LINGO2: variants seen among roughly 807,000 people sequenced by gnomAD.
LINGO2 encodes leucine rich repeat and Ig domain containing 2.
In LINGO2, 14 loss-of-function variants were observed where a neutral mutation model predicts 30.6. That is an observed-to-expected ratio of 0.46 (90% CI 0.30 to 0.72). The LOEUF (loss-of-function observed/expected upper bound fraction) is 0.72, where lower values mean the gene tolerates loss of function less well. Among genes scored for constraint, LINGO2 ranks in the 30% least tolerant of loss-of-function variants. The pLI, the probability that LINGO2 is intolerant of heterozygous loss-of-function variation, is 0.07. For missense variants in LINGO2, 729 were observed against 751.7 expected (o/e 0.97, Z 0.35); for synonymous variants, 317 against 288.5 (o/e 1.10, Z -1.00).
At chr9:28,031,082 G>A in intron 4 of LINGO2, among the ~76,000 whole-genome samples, 1 of 152,018 alleles carries the variant, frequency 6.6e-6, no homozygotes, top group East Asian at 1.9e-4. Context: ...GTCGATTAAT[G>A]AGGCTTTATA....
chr9:28,279,147 G>A (rs1307136688), intron 4 of LINGO2, among the ~76,000 whole-genome samples: 1 of 152,194 alleles, frequency 6.6e-6, no homozygotes, highest in African/African-American at 2.4e-5. Context: ...CTGAATGGAT[G>A]AGAAGTTGCT....
chr9:28,282,470 T>G (rs571528807), intron 4 of LINGO2, among the ~76,000 whole-genome samples: 1 of 152,116 alleles, frequency 6.6e-6, no homozygotes, highest in African/African-American at 2.4e-5. Context: ...GGTTTAAGAA[T>G]TCTATTTGAT....
intron 3 of LINGO2, among the ~76,000 whole-genome samples, chr9:28,346,241 C>G (rs79517477): frequency 0.012 from 1,751 of 152,258 alleles, 37 homozygotes; most frequent in African/African-American, 0.04. Context: ...TCTGTTGTTC[C>G]TCTCCCAGTA....
the LINGO2 span, among the ~76,000 whole-genome samples, chr9:29,092,262 T>G: frequency 6.6e-6 from 1 of 152,014 alleles, no homozygotes; most frequent in Non-Finnish European, 1.5e-5. Flanking sequence ...CAGATCAAAG[T>G]GTGCTGGGCT....
At chr9:28,771,465 G>A in the LINGO2 span, among the ~76,000 whole-genome samples, 192 of 70,110 alleles carry the variant, frequency 2.7e-3, 1 homozygote, top group Admixed American at 0.019. Flanking sequence ...GTGTGTGTGT[G>A]TGTGTGTGTG....
chr9:27,976,824 T>A (rs1820617736), intron 5 of LINGO2, among the ~76,000 whole-genome samples: 1 of 152,134 alleles, frequency 6.6e-6, no homozygotes, highest in Non-Finnish European at 1.5e-5. Context: ...GTTGAGTAGA[T>A]GCCAGGCTGG....
At chr9:28,028,686 T>A (rs1381831676) in intron 4 of LINGO2, among the ~76,000 whole-genome samples, 1 of 152,178 alleles carries the variant, frequency 6.6e-6, no homozygotes, top group Admixed American at 6.5e-5. Flanking sequence ...CTAGATTACT[T>A]GTAACATTAA....
intron 4 of LINGO2, among the ~76,000 whole-genome samples, chr9:28,062,439 CATAT>C (rs1825173488): frequency 7.0e-6 from 1 of 142,492 alleles, no homozygotes; most frequent in African/African-American, 2.7e-5. Context: ...ATACTATATA[CATAT>C]ATATGCATAC....
the LINGO2 span, among the ~76,000 whole-genome samples, chr9:28,684,175 C>CTTTTTTTTTTTTTTTTTT: frequency 4.4e-5 from 2 of 45,438 alleles, no homozygotes; most frequent in Non-Finnish European, 7.5e-5. Flanking sequence ...AAATGTTTAT[C>CTTTTTTTTTTTTTTTTTT]TTTTTTTTTT....
intron 4 of LINGO2, among the ~76,000 whole-genome samples, chr9:28,126,262 T>G (rs963434566): frequency 1.3e-5 from 2 of 152,170 alleles, no homozygotes; most frequent in Non-Finnish European, 2.9e-5. Flanking sequence ...CTTTGGCTAC[T>G]ACAAAAACAT....
intron 1 of LINGO2, among the ~76,000 whole-genome samples, chr9:28,587,058 C>T (rs2135683863): frequency 6.6e-6 from 1 of 152,032 alleles, no homozygotes; most frequent in African/African-American, 2.4e-5. Flanking sequence ...AGAAATCCCG[C>T]ACTCAGTTTC....
the LINGO2 span, among the ~76,000 whole-genome samples, chr9:28,846,215 T>C: frequency 6.6e-6 from 1 of 151,628 alleles, no homozygotes; most frequent in African/African-American, 2.4e-5. Flanking sequence ...AGGGATAAAA[T>C]ACAGATCTCA....
intron 1 of LINGO2, among the ~76,000 whole-genome samples, chr9:28,482,653 C>T (rs1009302713): frequency 2.0e-5 from 3 of 152,038 alleles, no homozygotes; most frequent in Admixed American, 2.0e-4. Context: ...TCAATTTTGG[C>T]TTTTGTTGCC....
intron 3 of LINGO2, among the ~76,000 whole-genome samples, chr9:28,343,687 C>A (rs2134402210): frequency 6.6e-6 from 1 of 152,212 alleles, no homozygotes; most frequent in African/African-American, 2.4e-5. Context: ...TACCTGAATT[C>A]TTGAGACCTT....
intron 1 of LINGO2, among the ~76,000 whole-genome samples, chr9:28,514,228 T>C (rs1024720246): frequency 4.6e-5 from 7 of 152,148 alleles, no homozygotes; most frequent in African/African-American, 1.4e-4. Flanking sequence ...CGCAACAACA[T>C]TGAAATTAGG....
At chr9:28,595,741 T>C (rs1333936005) in intron 1 of LINGO2, among the ~76,000 whole-genome samples, 2 of 152,124 alleles carry the variant, frequency 1.3e-5, no homozygotes, top group South Asian at 2.1e-4. Flanking sequence ...GCCCAAAGAC[T>C]GAGGCAGAAA....
At chr9:28,666,372 C>T (rs917367640) in intron 1 of LINGO2, among the ~76,000 whole-genome samples, 1 of 151,984 alleles carries the variant, frequency 6.6e-6, no homozygotes, top group Admixed American at 6.6e-5. Context: ...AAAATAACTC[C>T]GGTTTTATCC....
intron 1 of LINGO2, among the ~76,000 whole-genome samples, chr9:28,574,397 C>G (rs779686645): frequency 2.6e-5 from 4 of 152,158 alleles, no homozygotes; most frequent in Non-Finnish European, 4.4e-5. Flanking sequence ...TGTTTCCATA[C>G]AGTCACTGTT....
the LINGO2 span, among the ~76,000 whole-genome samples, chr9:28,697,265 T>C: frequency 2.0e-5 from 3 of 151,958 alleles, no homozygotes; most frequent in Non-Finnish European, 4.4e-5. Context: ...GTGTTCTGTC[T>C]AGACCTGCTT....
Sources: allele counts gnomAD v4.1 joint callset (sites outside exome capture counted in the v4.1 genomes callset), GRCh38; gene constraint gnomAD v4.1.1; transcripts MANE v1.5; gene names NCBI Gene and HGNC (gene_info 2026-07-23, HGNC 2026-07-21).